Variants in ITGA1 observed in about 807,000 individuals in gnomAD.
ITGA1 encodes integrin subunit alpha 1, also known as integrin alpha-1.
In ITGA1, 85 loss-of-function variants were observed where a neutral mutation model predicts 145.9. The ratio of observed to expected loss-of-function variants is 0.58; its 90% CI spans 0.49 to 0.70. The LOEUF is 0.70. Among genes scored for constraint, ITGA1 ranks in the 30% least tolerant of loss-of-function variants. The pLI is 0.00. For synonymous variants in ITGA1, 520 were observed against 495.3 expected (o/e 1.05, Z -0.66); for missense variants, 1,351 against 1,418.7 (o/e 0.95, Z 0.77).
At chr5:52,842,501 T>A (rs571424713) in intron 1 of ITGA1, among the ~76,000 whole-genome samples, 14 of 152,312 alleles carry the variant, frequency 9.2e-5, no homozygotes, top group African/African-American at 3.1e-4. Context: ...AATGGTATAC[T>A]GATTCTTTGG....
At chr5:52,815,663 A>C (rs1748755436) in intron 1 of ITGA1, among the ~76,000 whole-genome samples, 1 of 152,196 alleles carries the variant, frequency 6.6e-6, no homozygotes, top group Non-Finnish European at 1.5e-5. Flanking sequence ...TTTGGAAAAC[A>C]CTGGTCTAAG....
intron 11 of ITGA1, chr5:52,904,541 G>A (rs771131817): frequency 7.9e-5 from 12 of 151,722 alleles, no homozygotes; most frequent in African/African-American, 9.7e-5. Context: ...AAATTTTAAA[G>A]AGCATGGAAG....
intron 8 of ITGA1, among the ~76,000 whole-genome samples, chr5:52,891,555 TAAAA>T (rs56185635): frequency 6.3e-4 from 75 of 118,792 alleles, no homozygotes; most frequent in South Asian, 1.7e-3. Flanking sequence ...TCATGAACAC[TAAAA>T]AAAAAAAAAA....
chr5:52,801,404 T>A, intron 1 of ITGA1: 1 of 1,605,120 alleles, frequency 6.2e-7, no homozygotes. Flanking sequence ...TAATTGTGAT[T>A]CTAGGTACAT....
At chr5:52,820,778 A>G (rs944880730) in intron 1 of ITGA1, among the ~76,000 whole-genome samples, 15 of 152,176 alleles carry the variant, frequency 9.9e-5, no homozygotes, top group African/African-American at 2.9e-4. Flanking sequence ...TCAGGTAAAC[A>G]TGAATAAGAA....
intron 16 of ITGA1, 121 bp from the exon 17 acceptor site, chr5:52,920,211 T>C (rs1481427385): frequency 1.1e-5 from 8 of 729,860 alleles, no homozygotes; most frequent in East Asian, 5.8e-5. Flanking sequence ...TGCTGAACAA[T>C]AGAATCTTTT....
intron 20 of ITGA1, 137 bp downstream of exon 20, chr5:52,927,801 G>A (rs1561252082): frequency 1.9e-5 from 12 of 616,080 alleles, no homozygotes; most frequent in Middle Eastern, 4.4e-4. Flanking sequence ...GTGACAGATT[G>A]GAATATGCTA....
intron 6 of ITGA1, among the ~76,000 whole-genome samples, chr5:52,869,102 T>A (rs1052387152): frequency 2.0e-5 from 3 of 152,184 alleles, no homozygotes; most frequent in Admixed American, 1.3e-4. Flanking sequence ...AAAATCAGAA[T>A]CTCTGAGGGT....
At chr5:52,854,919 G>A (rs1749490062) in intron 2 of ITGA1, among the ~76,000 whole-genome samples, 1 of 152,144 alleles carries the variant, frequency 6.6e-6, no homozygotes, top group Non-Finnish European at 1.5e-5. Context: ...TCCAGAACAT[G>A]TTTTGATCTT....
At chr5:52,910,522 A>G in intron 14 of ITGA1, 103 bp downstream of exon 14, 1 of 1,258,320 alleles carries the variant, frequency 7.9e-7, no homozygotes, top group Non-Finnish European at 1.1e-6. Context: ...CTTCCTCCTG[A>G]CCTTATTGGG....
Position 52,957,177 on chromosome 5 carries a change from G to C in ITGA1, c.*4726G>C, listed in dbSNP as rs1412890498. ...TTAACCTTGAGGAAAATGTGAAGTA[G>C]CATCTGGAGTCTCTTAAGCCCCAGC... On this transcript the variant is annotated 3_prime_UTR_variant, in exon 29 of 29. Transcript: ENST00000282588. The C allele has an allele frequency of 6.6e-6, 1 of 152,170 alleles. No homozygotes were observed. Among genetic ancestry groups the C allele is most frequent in the African/African-American group, 2.4e-5 (1 of 41,436 alleles). 9.4% of individuals were successfully genotyped at this position (152,170 alleles called of 1,614,324 possible). A position where few individuals can be genotyped will look rare whatever the true frequency, so the allele number is the denominator to read the frequency against.
intron 1 of ITGA1, among the ~76,000 whole-genome samples, chr5:52,815,299 G>C (rs1748747696): frequency 6.6e-6 from 1 of 152,146 alleles, no homozygotes; most frequent in African/African-American, 2.4e-5. Context: ...CTTTCCTAGG[G>C]TTGCTAGGTT....
intron 1 of ITGA1, among the ~76,000 whole-genome samples, chr5:52,819,679 T>C (rs1748835898): frequency 6.6e-6 from 1 of 152,248 alleles, no homozygotes; most frequent in South Asian, 2.1e-4. Context: ...ATGTTGGCTT[T>C]TGTTGCCATT....
intron 2 of ITGA1, among the ~76,000 whole-genome samples, chr5:52,855,291 C>T (rs72756566): frequency 1.4e-4 from 21 of 152,268 alleles, no homozygotes; most frequent in Non-Finnish European, 2.6e-4. Context: ...TCTGGTGTCA[C>T]TCAAAGGCAT....
chr5:52,919,890 G>T (rs1750706091), intron 16 of ITGA1, among the ~76,000 whole-genome samples: 1 of 152,006 alleles, frequency 6.6e-6, no homozygotes, highest in African/African-American at 2.4e-5. Flanking sequence ...TATATAAATA[G>T]ATTAAAATGT....
At chr5:52,867,450 C>T (rs546088651) in intron 6 of ITGA1, among the ~76,000 whole-genome samples, 2 of 152,098 alleles carry the variant, frequency 1.3e-5, no homozygotes, top group Non-Finnish European at 2.9e-5. Flanking sequence ...GACTTATTTG[C>T]AATTGACCTT....
Position 52,908,879 on chromosome 5 carries a change from G to A in ITGA1, c.1456-19G>A. ...TTTCTGTTGTTCATTGGGCTGTTTT[G>A]TTTCATTTTGTGTCCTAGATTGGTT... On this transcript the variant is annotated intron_variant, in intron 12 of 28. Coordinates refer to ENST00000282588, the MANE Select transcript of ITGA1 (RefSeq NM_181501.2). 6.2e-7 allele frequency: 1 copy of A among 1,611,568 alleles called. No individual in the cohort carries two copies. The highest frequency in any genetic ancestry group is 8.5e-7 in the Non-Finnish European group (1 of 1,178,810).
At chr5:52,903,198 G>C (rs548566151) in intron 11 of ITGA1, 1 of 151,410 alleles carries the variant, frequency 6.6e-6, no homozygotes, top group South Asian at 2.1e-4. Flanking sequence ...TACATTCACA[G>C]CTCTGCAAAT....
At chr5:52,915,726 T>C (rs914520871) in intron 15 of ITGA1, 132 bp downstream of exon 15, 1 of 1,096,618 alleles carries the variant, frequency 9.1e-7, no homozygotes. Flanking sequence ...AGTTATTCAG[T>C]TGAGTGAGCT....
Sources: gnomAD v4.1 joint callset for allele counts (sites outside exome capture counted in the v4.1 genomes callset) on GRCh38, gnomAD v4.1.1 for gene constraint, MANE v1.5 for transcripts, NCBI Gene and HGNC (gene_info 2026-07-23, HGNC 2026-07-21) for gene names.